Variants in PTTG1IP2 observed in about 807,000 individuals in gnomAD.
PTTG1IP2 encodes PTTG1IP family member 2.
chr7:90,486,827 C>G (rs2374265), intron 2 of PTTG1IP2, among the ~76,000 whole-genome samples: 59,868 of 151,608 alleles, frequency 0.39, 12,770 homozygotes, highest in Non-Finnish European at 0.5. Context: ...GGTTCAGGTG[C>G]ATGTGATTTT....
chr7:90,499,639 A>C (rs1798038697), intron 6 of PTTG1IP2, among the ~76,000 whole-genome samples: 1 of 151,996 alleles, frequency 6.6e-6, no homozygotes, highest in Non-Finnish European at 1.5e-5. Flanking sequence ...GCTGGAGTGC[A>C]ATGGCCTGAT....
intron 2 of PTTG1IP2, among the ~76,000 whole-genome samples, chr7:90,480,111 G>A (rs1227351189): frequency 6.6e-6 from 1 of 152,070 alleles, no homozygotes; most frequent in East Asian, 1.9e-4. Flanking sequence ...TACTGGTGGG[G>A]GTCTAGATAC....
intron 2 of PTTG1IP2, among the ~76,000 whole-genome samples, chr7:90,480,198 G>A (rs767066314): frequency 2.0e-5 from 3 of 152,096 alleles, no homozygotes; most frequent in Non-Finnish European, 2.9e-5. Context: ...TCTGAACCCT[G>A]CACAATCTAC....
At chr7:90,501,939 T>C (rs1798065981) in intron 6 of PTTG1IP2, among the ~76,000 whole-genome samples, 1 of 152,210 alleles carries the variant, frequency 6.6e-6, no homozygotes, top group Non-Finnish European at 1.5e-5. Flanking sequence ...TGTAATCAAT[T>C]CTCTCACACC....
chr7:90,484,493 A>G (rs374284141), intron 2 of PTTG1IP2, among the ~76,000 whole-genome samples: 1 of 152,014 alleles, frequency 6.6e-6, no homozygotes, highest in South Asian at 2.1e-4. Context: ...CAGTTGTCAC[A>G]CTCCAAAAAG....
chr7:90,472,990 G>A (rs931328921), intron 1 of PTTG1IP2, among the ~76,000 whole-genome samples: 1 of 152,166 alleles, frequency 6.6e-6, no homozygotes, highest in Non-Finnish European at 1.5e-5. Flanking sequence ...TCTCAGATGG[G>A]TTGAAGGGGA....
chr7:90,505,129 T>C (rs1279133332), intron 6 of PTTG1IP2, among the ~76,000 whole-genome samples: 1 of 152,206 alleles, frequency 6.6e-6, no homozygotes, highest in East Asian at 1.9e-4. Flanking sequence ...CTATACTTCA[T>C]TATGCACCTA....
chr7:90,485,521 A>G (rs1797863950), intron 2 of PTTG1IP2, among the ~76,000 whole-genome samples: 2 of 152,162 alleles, frequency 1.3e-5, no homozygotes, highest in African/African-American at 2.4e-5. Context: ...ACAACAGTAA[A>G]CACTCCTATT....
At chr7:90,493,095 G>C (rs1037631365) in intron 5 of PTTG1IP2, among the ~76,000 whole-genome samples, 1 of 152,060 alleles carries the variant, frequency 6.6e-6, no homozygotes, top group Non-Finnish European at 1.5e-5. Context: ...TATGACTGAG[G>C]AAAGAGTACT....
intron 1 of PTTG1IP2, among the ~76,000 whole-genome samples, chr7:90,471,544 G>T (rs1212733443): frequency 6.6e-6 from 1 of 152,110 alleles, no homozygotes; most frequent in Non-Finnish European, 1.5e-5. Context: ...TTCACTAAAA[G>T]TAACCAGACA....
intron 6 of PTTG1IP2, among the ~76,000 whole-genome samples, chr7:90,510,600 A>C (rs1798178211): frequency 1.3e-5 from 2 of 152,204 alleles, no homozygotes; most frequent in East Asian, 3.8e-4. Flanking sequence ...TTCTAATGGA[A>C]GTATGGTAGG....
At chr7:90,480,027 C>T (rs1008346937) in intron 2 of PTTG1IP2, among the ~76,000 whole-genome samples, 11 of 152,166 alleles carry the variant, frequency 7.2e-5, no homozygotes, top group Admixed American at 3.9e-4. Flanking sequence ...ATGGCATTCT[C>T]CAGCCAGTTC....
At chr7:90,476,690 G>T (rs1021287265) in intron 1 of PTTG1IP2, among the ~76,000 whole-genome samples, 44 of 152,060 alleles carry the variant, frequency 2.9e-4, no homozygotes, top group African/African-American at 1.0e-3. Flanking sequence ...AAGAAAAAGT[G>T]ATATTCCATA....
intron 6 of PTTG1IP2, among the ~76,000 whole-genome samples, chr7:90,499,137 C>T (rs1171636773): frequency 6.6e-6 from 1 of 152,188 alleles, no homozygotes. Flanking sequence ...CAGGCATGAG[C>T]CACTGCACAT....
chr7:90,492,301 G>A lies in PTTG1IP2; in HGVS notation c.443G>A (p.Ser148Asn), dbSNP rs1376984291. The change falls in exon 5 of 7, where the codon AGT (serine) becomes AAT (asparagine). Residue 148 changes from serine (S) to asparagine (N), a missense_variant. By Grantham distance (46) the Ser-to-Asn change is conservative (BLOSUM62 1). Transcript: ENST00000509356. The part of the protein sequence containing the change: ...RRETVPIHDR[S>N]ATVYDE ...GAAACAGTTCCTATTCACGACCGCA[G>A]TGCTACTGGCAAGTGTTTTCGTTTA... The A allele has an allele frequency of 6.6e-6, 1 of 152,142 alleles. No individual in the cohort carries two copies. The highest frequency in any genetic ancestry group is 1.9e-4 in the East Asian group (1 of 5,190). 9.4% of individuals were successfully genotyped at this position (152,142 alleles called of 1,614,324 possible).
At chr7:90,482,890 G>C (rs1422680969) in intron 2 of PTTG1IP2, among the ~76,000 whole-genome samples, 1 of 152,154 alleles carries the variant, frequency 6.6e-6, no homozygotes, top group East Asian at 1.9e-4. Context: ...AGCAAGCCCA[G>C]TGGGATTTTT....
At chr7:90,478,676 G>A (rs980774199) in intron 1 of PTTG1IP2, among the ~76,000 whole-genome samples, 3 of 152,094 alleles carry the variant, frequency 2.0e-5, no homozygotes, top group East Asian at 1.9e-4. Flanking sequence ...ATAAAATGAG[G>A]CATTGAAATG....
At position 90,487,835 on chromosome 7, in the gene PTTG1IP2, AT is replaced by A. The variant is rs1169658546; in HGVS notation, c.286+417del. Among the ~76,000 whole-genome samples the A allele has an allele frequency of 9.9e-5, 15 of 152,260 alleles. 1 individual carries two copies. Among genetic ancestry groups the A allele is most frequent in the African/African-American group, 3.4e-4 (14 of 41,564 alleles). ...CATAACCCACTTAAAGAATGTTTGT[AT>A]TCTTATGTCATTTTAGGAATTCCAG... On this transcript the variant is annotated intron_variant, in intron 3 of 6. Coordinates refer to ENST00000509356, the MANE Select transcript of PTTG1IP2 (RefSeq NM_001365443.2).
intron 6 of PTTG1IP2, among the ~76,000 whole-genome samples, chr7:90,508,518 C>T (rs1798150960): frequency 6.6e-6 from 1 of 151,948 alleles, no homozygotes; most frequent in African/African-American, 2.4e-5. Context: ...AAACAGTAGA[C>T]ATGAAGGTGA....
Sources: allele counts gnomAD v4.1 joint callset (sites outside exome capture counted in the v4.1 genomes callset), GRCh38; gene constraint gnomAD v4.1.1; transcripts MANE v1.5; gene names NCBI Gene and HGNC (gene_info 2026-07-23, HGNC 2026-07-21).